RASEF: variants seen among roughly 807,000 people sequenced by gnomAD.
The protein encoded by RASEF is ras and EF-hand domain-containing protein.
Under a neutral mutation model 90.1 loss-of-function variants are expected in RASEF, and 68 were observed. The ratio of observed to expected loss-of-function variants is 0.75; its 90% CI spans 0.62 to 0.92. The LOEUF is 0.92. Among genes scored for constraint, RASEF ranks in the 40% least tolerant of loss-of-function variants. The pLI is 0.00. For synonymous variants in RASEF, 331 were observed against 345.2 expected (o/e 0.96, Z 0.46); for missense variants, 949 against 937.2 (o/e 1.01, Z -0.16).
the RASEF span, among the ~76,000 whole-genome samples, chr9:83,143,260 A>G: frequency 7.9e-5 from 12 of 152,360 alleles, no homozygotes; most frequent in African/African-American, 2.6e-4. Context: ...GAGCTTCTGC[A>G]CAGCAGAAGA....
intron 5 of RASEF, among the ~76,000 whole-genome samples, chr9:83,009,969 T>C (rs1208129531): frequency 1.3e-5 from 2 of 152,236 alleles, no homozygotes; most frequent in Non-Finnish European, 2.9e-5. Flanking sequence ...AAAGTCATTC[T>C]TCATTTTTTT....
chr9:83,011,845 T>G (rs1829252697), intron 5 of RASEF, among the ~76,000 whole-genome samples: 1 of 152,130 alleles, frequency 6.6e-6, no homozygotes, highest in Admixed American at 6.5e-5. Context: ...GGGAACCTTC[T>G]AAGTGGATCA....
the RASEF span, among the ~76,000 whole-genome samples, chr9:83,123,582 G>A: frequency 2.1e-4 from 28 of 135,468 alleles, no homozygotes; most frequent in Non-Finnish European, 3.2e-4. Context: ...AGAATCATTC[G>A]CAAGGAGCCC....
chr9:83,187,931 C>A, the RASEF span, among the ~76,000 whole-genome samples: 3 of 152,210 alleles, frequency 2.0e-5, no homozygotes, highest in Non-Finnish European at 4.4e-5. Flanking sequence ...TCATTAACTT[C>A]TCCAAGGCTG....
At chr9:82,993,117 C>T in intron 14 of RASEF, 92 bp from the exon 15 acceptor site, 1 of 1,319,218 alleles carries the variant, frequency 7.6e-7, no homozygotes, top group Non-Finnish European at 1.0e-6. Flanking sequence ...TACCATTTTC[C>T]CTTTGCCTCC....
At chr9:83,048,971 A>T (rs1392593568) in intron 1 of RASEF, among the ~76,000 whole-genome samples, 1 of 152,048 alleles carries the variant, frequency 6.6e-6, no homozygotes, top group Non-Finnish European at 1.5e-5. Flanking sequence ...TAAAAATACA[A>T]AAATTAGCCG....
intron 15 of RASEF, among the ~76,000 whole-genome samples, chr9:82,991,370 T>C (rs995829016): frequency 1.3e-5 from 2 of 152,242 alleles, no homozygotes; most frequent in African/African-American, 2.4e-5. Flanking sequence ...CACTCTGCGA[T>C]CCTCATGCAC....
At chr9:83,103,094 C>G in the RASEF span, among the ~76,000 whole-genome samples, 14 of 152,196 alleles carry the variant, frequency 9.2e-5, no homozygotes, top group Admixed American at 3.3e-4. Flanking sequence ...ATCCTCTGCT[C>G]TGAGCATTTG....
the RASEF span, among the ~76,000 whole-genome samples, chr9:83,144,841 A>G: frequency 1.3e-5 from 2 of 152,182 alleles, no homozygotes; most frequent in African/African-American, 2.4e-5. Flanking sequence ...ACTATAAAAC[A>G]CTTAATCAGT....
At chr9:83,159,114 A>T in the RASEF span, among the ~76,000 whole-genome samples, 1 of 149,752 alleles carries the variant, frequency 6.7e-6, no homozygotes, top group African/African-American at 2.5e-5. Flanking sequence ...TAAACCCAGG[A>T]GGCGGAGCTT....
intron 7 of RASEF, among the ~76,000 whole-genome samples, chr9:83,007,163 T>C (rs140310996): frequency 0.013 from 2,034 of 151,922 alleles, 47 homozygotes; most frequent in African/African-American, 0.046. Flanking sequence ...TTTTTCTTTA[T>C]AGAGGCATAA....
chr9:83,144,376 A>AAAGAAAGG, the RASEF span, among the ~76,000 whole-genome samples: 1 of 65,620 alleles, frequency 1.5e-5, no homozygotes, highest in East Asian at 4.6e-4. Context: ...AGAAAGAAAG[A>AAAGAAAGG]AAGAAAGAAA....
chr9:83,039,275 G>A (rs985880161), intron 1 of RASEF, among the ~76,000 whole-genome samples: 1 of 152,042 alleles, frequency 6.6e-6, no homozygotes, highest in Non-Finnish European at 1.5e-5. Flanking sequence ...TGAGTTCTGT[G>A]TATTGAGTTT....
the RASEF span, among the ~76,000 whole-genome samples, chr9:83,144,904 A>C: frequency 8.3e-4 from 126 of 152,344 alleles, no homozygotes; most frequent in African/African-American, 2.9e-3. Context: ...AATAAGCCAA[A>C]TACTGTAAAA....
intron 16 of RASEF, among the ~76,000 whole-genome samples, chr9:82,985,841 G>A (rs1200173742): frequency 1.3e-5 from 2 of 152,152 alleles, no homozygotes; most frequent in African/African-American, 4.8e-5. Context: ...GACTCCAGGT[G>A]ACTATTGTTT....
At chr9:83,163,019 A>G in the RASEF span, among the ~76,000 whole-genome samples, 2 of 152,184 alleles carry the variant, frequency 1.3e-5, no homozygotes, top group Non-Finnish European at 2.9e-5. Context: ...TGTTCTTAGC[A>G]AGGTCTGCCC....
At chr9:83,114,815 G>A in the RASEF span, among the ~76,000 whole-genome samples, 3 of 152,152 alleles carry the variant, frequency 2.0e-5, no homozygotes, top group South Asian at 2.1e-4. Context: ...CAGTGACAAT[G>A]TGTGCCTGAA....
At chr9:83,019,361 C>T (rs552057574) in intron 3 of RASEF, among the ~76,000 whole-genome samples, 16 of 152,122 alleles carry the variant, frequency 1.1e-4, no homozygotes, top group African/African-American at 2.9e-4. Context: ...GATAAACCCA[C>T]GAAAAGATCC....
At chr9:83,005,241 T>C (rs1829107709) in intron 8 of RASEF, among the ~76,000 whole-genome samples, 175 bp downstream of exon 8, 1 of 152,096 alleles carries the variant, frequency 6.6e-6, no homozygotes. Flanking sequence ...TTCAGAGGAG[T>C]AGCATATTTT....
Sources: allele counts gnomAD v4.1 joint callset (sites outside exome capture counted in the v4.1 genomes callset), GRCh38; gene constraint gnomAD v4.1.1; transcripts MANE v1.5; gene names NCBI Gene and HGNC (gene_info 2026-07-23, HGNC 2026-07-21).